MICB: variants seen among roughly 807,000 people sequenced by gnomAD.
MICB encodes the protein MHC class I antigen-related protein B.
Under a neutral mutation model 34.3 loss-of-function variants are expected in MICB, and 27 were observed. The ratio of observed to expected loss-of-function variants is 0.79; its 90% CI spans 0.58 to 1.08. The LOEUF (loss-of-function observed/expected upper bound fraction) is 1.08, where lower values mean the gene tolerates loss of function less well. MICB is among the 50% of genes least tolerant of loss of function. MICB has a pLI of 0.00. For missense variants in MICB, 426 were observed against 483.1 expected, an observed-to-expected ratio of 0.88 and a Z score of 1.11; for synonymous variants, 153 against 187.4, an observed-to-expected ratio of 0.82 and a Z score of 1.50.
rs746439645 is a variant in MICB at position 31,509,799 on chromosome 6, G to A, written c.1042G>A (p.Val348Ile). Residue 348 changes from valine to isoleucine, a missense_variant, in exon 6 of 6, where the codon GTC (valine) becomes ATC (isoleucine). Coordinates refer to ENST00000252229, the MANE Select transcript of MICB (RefSeq NM_005931.5). Reference sequence around the variant, plus strand: ...TTCTCCAGAGCTTGTGAGCCTGCAGGTCCTGGATCAACACCCAGTTGGGAC... The same window carrying A: ...TTCTCCAGAGCTTGTGAGCCTGCAGATCCTGGATCAACACCCAGTTGGGAC... Reference protein sequence around the residue: ...AEGPELVSLQVLDQHPVGTGD... With the variant: ...AEGPELVSLQILDQHPVGTGD... 4.3e-5 allele frequency: 70 copies of A among 1,612,152 alleles called. No homozygotes were observed. Among genetic ancestry groups the A allele is most frequent in the Non-Finnish European group, 4.9e-5 (58 of 1,178,988 alleles).
rs755350585 is a variant in MICB at position 31,507,497 on chromosome 6, T to C, written c.990T>C (p.Cys330=). 2.5e-6 allele frequency: 4 copies of C among 1,614,212 alleles called. No individual in the cohort carries two copies. Among genetic ancestry groups the C allele is most frequent in the Non-Finnish European group, 3.4e-6 (4 of 1,180,030 alleles). The change falls in exon 5 of 6, where the codon TGT becomes TGC. Residue 330 remains cysteine, a synonymous_variant. Coordinates refer to ENST00000252229, the MANE Select transcript of MICB (RefSeq NM_005931.5). The surrounding 1 kb of genome is among the most constrained non-coding windows in gnomAD (Gnocchi z 6.0). ...TTATTATTATTCTCTGTGTCCCTTG[T>C]TGCAAGAAGAAAACATCAGCGGCAG... The part of the protein sequence containing the change: ...FVIIIILCVP[C]CKKKTSAAEG...
chr6:31,495,214 A>G (rs551162375), upstream of MICB, among the ~76,000 whole-genome samples: 1 of 152,226 alleles, frequency 6.6e-6, no homozygotes, highest in South Asian at 2.1e-4. Context: ...ACCGCTTCTA[A>G]ATGCCTTAGA....
chr6:31,508,083 G>C (rs777648137), intron 5 of MICB, among the ~76,000 whole-genome samples: 1 of 152,166 alleles, frequency 6.6e-6, no homozygotes, highest in African/African-American at 2.4e-5. Context: ...GAATAGATAA[G>C]CAGATGTCCC....
rs1427227044 is a variant in MICB, at chr6:31,507,067, AC to A, written c.660del (p.Asn220LysfsTer4). The A allele has an allele frequency of 6.2e-7, 1 of 1,613,860 alleles. No homozygotes were observed. The highest frequency in any genetic ancestry group is 1.1e-5 in the South Asian group (1 of 91,078). ...NVTCSEVSEG[N>X]ITVTCRASSF... ...ACCTGCAGCGAGGTCTCAGAGGGCA[AC>A]ATCACCGTGACATGCAGGGCTTCCA... On this transcript the variant is annotated frameshift_variant, in exon 4 of 6. Coordinates refer to ENST00000252229, the MANE Select transcript of MICB (RefSeq NM_005931.5). LOFTEE classifies it high-confidence loss of function. The surrounding 1 kb of genome is among the most constrained non-coding windows in gnomAD (Gnocchi z 6.0).
chr6:31,499,611 G>T (rs1206439671), intron 1 of MICB, among the ~76,000 whole-genome samples: 1 of 152,104 alleles, frequency 6.6e-6, no homozygotes, highest in African/African-American at 2.4e-5. Flanking sequence ...GATGCTAATG[G>T]CAGTTGGGCC....
intron 3 of MICB, 79 bp downstream of exon 3, chr6:31,506,509 A>G (rs539870811): frequency 2.0e-6 from 3 of 1,484,482 alleles, no homozygotes; most frequent in South Asian, 1.3e-5. Flanking sequence ...GTCCGGGGAA[A>G]CCCTCCCTGT....
rs1035299150 is a variant in MICB at position 31,510,542 on chromosome 6, T to G, written c.*633T>G. 3 of 152,280 alleles carry G rather than the reference T, an allele frequency of 2.0e-5. No individual in the cohort carries two copies. The highest frequency in any genetic ancestry group is 7.3e-5 in the African/African-American group (3 of 41,326). The allele number at this position is 152,280 out of a possible 1,614,324, so 9.4% of individuals were successfully genotyped here. ...GTATCATTATTTCTGTTGTTTTTGT[T>G]TTTGTTTTTGTTTTTGTTTTTGAGA... On this transcript the variant is annotated 3_prime_UTR_variant, in exon 6 of 6. Coordinates refer to ENST00000252229, the MANE Select transcript of MICB (RefSeq NM_005931.5).
chr6:31,510,083 C>A lies in MICB; in HGVS notation c.*174C>A. ...GCTGCTCTGCCACGTAGAGAGCCAG[C>A]AAAGGGATCATGACCAACTCAACAT... is the stretch of plus-strand genomic sequence containing the variant. On this transcript the variant is annotated 3_prime_UTR_variant, in exon 6 of 6. Transcript: ENST00000252229. 1.7e-6 allele frequency: 1 copy of A among 592,042 alleles called. No homozygotes were observed. Among genetic ancestry groups the A allele is most frequent in the East Asian group, 3.2e-5 (1 of 30,808 alleles). 36.7% of individuals were successfully genotyped at this position (592,042 alleles called of 1,614,324 possible). A position where few individuals can be genotyped will look rare whatever the true frequency, so the allele number is the denominator to read the frequency against.
chr6:31,502,717 A>G (rs1765077393), intron 1 of MICB, among the ~76,000 whole-genome samples: 1 of 152,128 alleles, frequency 6.6e-6, no homozygotes, highest in African/African-American at 2.4e-5. Context: ...TTCTTTTCCA[A>G]TTTTGATGCC....
chr6:31,507,731 C>T lies in MICB; in HGVS notation c.1024+200C>T, dbSNP rs1765436817. On this transcript the variant is annotated intron_variant, in intron 5 of 5. Transcript: ENST00000252229. This position sits in a 1 kb window ranked among gnomAD's most constrained non-coding sequence, Gnocchi z 6.0. ...TTCCCAAGCCAGGGCTGGGGCAAGG[C>T]CTTCGAATATCCAGCTGTGGCCTCC... 6.6e-6 allele frequency among the ~76,000 whole-genome samples: 1 copy of T among 152,150 alleles called. No homozygotes were observed. Among genetic ancestry groups the T allele is most frequent in the South Asian group, 2.1e-4 (1 of 4,828 alleles).
chr6:31,507,800 C>G lies in MICB; in HGVS notation c.1024+269C>G, dbSNP rs1192619873. On this transcript the variant is annotated intron_variant, in intron 5 of 5. Transcript: ENST00000252229. This position sits in a 1 kb window ranked among gnomAD's most constrained non-coding sequence, Gnocchi z 6.0. ...GTGGGCAGCAGGGAGGGCTGTGGCACCTGCTCTGTCCCCATCCCAGCCTCT... is the reference window on the plus strand; with the variant it reads ...GTGGGCAGCAGGGAGGGCTGTGGCAGCTGCTCTGTCCCCATCCCAGCCTCT... Among the ~76,000 whole-genome samples, 1 of 152,118 alleles carries G rather than the reference C, an allele frequency of 6.6e-6. No homozygotes were observed. Among genetic ancestry groups the G allele is most frequent in the African/African-American group, 2.4e-5 (1 of 41,406 alleles).
Position 31,510,016 on chromosome 6 carries a change from T to G in MICB, c.*107T>G. On this transcript the variant is annotated 3_prime_UTR_variant, in exon 6 of 6. Coordinates refer to ENST00000252229, the MANE Select transcript of MICB (RefSeq NM_005931.5). ...AGAGAAAATAACATCACTTATTTAT[T>G]GTTGTTGGATGCTGCAAAGTGTTAG... 1.5e-6 allele frequency: 2 copies of G among 1,324,550 alleles called. No individual in the cohort carries two copies. Among genetic ancestry groups the G allele is most frequent in the South Asian group, 3.3e-5 (2 of 60,584 alleles). The allele number at this position is 1,324,550 out of a possible 1,614,324, so 82.0% of individuals were successfully genotyped here. A position where few individuals can be genotyped will look rare whatever the true frequency, so the allele number is the denominator to read the frequency against.
rs780157874 is a variant in MICB at position 31,507,171 on chromosome 6, G to C, written c.763G>C (p.Asp255His). ...SLSHNTQQWG[D>H]VLPDGNGTYQ... ...GAGCCACAACACCCAGCAGTGGGGG[G>C]ATGTCCTGCCTGATGGGAATGGAAC... Residue 255 changes from aspartate to histidine, a missense_variant, in exon 4 of 6, where the codon GAT (aspartate) becomes CAT (histidine). Asp to His is a moderately conservative substitution (Grantham distance 81, BLOSUM62 -1). Coordinates refer to ENST00000252229, the MANE Select transcript of MICB (RefSeq NM_005931.5). This position sits in a 1 kb window ranked among gnomAD's most constrained non-coding sequence, Gnocchi z 6.0. The C allele has an allele frequency of 2.2e-5, 36 of 1,614,026 alleles. 1 individual carries two copies. The South Asian group carries it at 3.6e-4, about 16-fold the overall frequency.
chr6:31,502,520 C>T lies in MICB; in HGVS notation c.71-3097C>T, dbSNP rs1765067831. On this transcript the variant is annotated intron_variant, in intron 1 of 5. Coordinates refer to ENST00000252229, the MANE Select transcript of MICB (RefSeq NM_005931.5). ...ATTTGTAGCTAATGAAAATGGGATT[C>T]GTTTCTTGATTTCTTTTTCAGATTA... 3.3e-5 allele frequency among the ~76,000 whole-genome samples: 5 copies of T among 152,056 alleles called. No individual in the cohort carries two copies. The South Asian group carries it at 1.0e-3, about 32-fold the overall frequency.
At chr6:31,497,545 G>T (rs1472248431), upstream of MICB, among the ~76,000 whole-genome samples, 1 of 152,144 alleles carries the variant, frequency 6.6e-6, no homozygotes, top group Non-Finnish European at 1.5e-5. Context: ...GAAGGGAGGA[G>T]AAGGAGATTA....
chr6:31,500,215 A>C (rs9378160), intron 1 of MICB, among the ~76,000 whole-genome samples: 30,677 of 151,048 alleles, frequency 0.2, 3,244 homozygotes, highest in East Asian at 0.29. Context: ...TCCTTTTGGC[A>C]GGTCCTTCCT....
At chr6:31,498,446 C>CTTTTTTTTTTTTTTTTTTTTT (rs9279321) in intron 1 of MICB, among the ~76,000 whole-genome samples, 183 bp downstream of exon 1, 1 of 89,262 alleles carries the variant, frequency 1.1e-5, no homozygotes, top group Non-Finnish European at 2.1e-5. Flanking sequence ...TCTCCCGTCT[C>CTTTTTTTTTTTTTTTTTTTTT]TTTTTTTTTT....
At chr6:31,497,243 A>T (rs1040548696), upstream of MICB, among the ~76,000 whole-genome samples, 45 of 152,172 alleles carry the variant, frequency 3.0e-4, no homozygotes, top group African/African-American at 1.1e-3. Flanking sequence ...GGGACCAAGG[A>T]TGGTGAAGTT....
chr6:31,506,549 T>A, intron 3 of MICB, 119 bp downstream of exon 3: 1 of 1,124,214 alleles, frequency 8.9e-7, no homozygotes, highest in Non-Finnish European at 1.2e-6. Flanking sequence ...CCTGTTGGCA[T>A]ATTGTGTCCT....
Sources: allele counts gnomAD v4.1 joint callset (sites outside exome capture counted in the v4.1 genomes callset), GRCh38; gene constraint gnomAD v4.1.1; non-coding constraint Gnocchi (gnomAD v3.1); transcripts MANE v1.5; gene names NCBI Gene and HGNC (gene_info 2026-07-23, HGNC 2026-07-21).